Variants in SLC35F1 observed in about 807,000 individuals in gnomAD.
SLC35F1 encodes the protein solute carrier family 35 member F1.
In SLC35F1, 14 loss-of-function variants were observed where a neutral mutation model predicts 48.7. The ratio of observed to expected loss-of-function variants is 0.29; its 90% confidence interval spans 0.19 to 0.45. SLC35F1 has a LOEUF of 0.45. Ranked by LOEUF, SLC35F1 falls within the 20% of genes least tolerant of loss-of-function variation. The pLI is 1.00. For missense variants in SLC35F1, 404 were observed against 500.0 expected (o/e 0.81, Z 1.83); for synonymous variants, 190 against 202.2 (o/e 0.94, Z 0.51).
At chr6:118,264,384 C>G (rs753173586) in intron 3 of SLC35F1, among the ~76,000 whole-genome samples, 10 of 152,202 alleles carry the variant, frequency 6.6e-5, no homozygotes, top group Non-Finnish European at 1.5e-4. Context: ...TCAAATGCCC[C>G]AGAAACACTG....
intron 1 of SLC35F1, among the ~76,000 whole-genome samples, chr6:117,971,588 G>A (rs1219515134): frequency 6.6e-6 from 1 of 150,774 alleles, no homozygotes; most frequent in Non-Finnish European, 1.5e-5. Flanking sequence ...GTAAGCTTCT[G>A]CCTGGACATC....
At chr6:117,966,874 G>A (rs1286374480) in intron 1 of SLC35F1, among the ~76,000 whole-genome samples, 1 of 152,202 alleles carries the variant, frequency 6.6e-6, no homozygotes, top group Non-Finnish European at 1.5e-5. Flanking sequence ...GGTATTGAGA[G>A]TTAGGACTTC....
chr6:118,062,220 A>C (rs1448312091), intron 1 of SLC35F1, among the ~76,000 whole-genome samples: 5 of 152,122 alleles, frequency 3.3e-5, no homozygotes, highest in African/African-American at 1.2e-4. Context: ...AAGAAAGCAA[A>C]CCTGTTGTCA....
intron 2 of SLC35F1, among the ~76,000 whole-genome samples, chr6:118,217,131 A>G (rs1432367155): frequency 1.3e-5 from 2 of 152,230 alleles, no homozygotes; most frequent in Non-Finnish European, 2.9e-5. Context: ...ACTTCTATAT[A>G]CATGCATATT....
At chr6:118,110,856 G>A (rs1773388880) in intron 1 of SLC35F1, among the ~76,000 whole-genome samples, 1 of 151,802 alleles carries the variant, frequency 6.6e-6, no homozygotes, top group African/African-American at 2.4e-5. Context: ...GCCTGAATTG[G>A]GTATTTCCCT....
intron 1 of SLC35F1, among the ~76,000 whole-genome samples, chr6:117,965,434 A>G (rs1357321697): frequency 6.6e-6 from 1 of 152,220 alleles, no homozygotes; most frequent in Non-Finnish European, 1.5e-5. Flanking sequence ...TAGATTGCAG[A>G]AACAGGTGAG....
At chr6:118,113,484 T>G (rs12204646) in intron 1 of SLC35F1, among the ~76,000 whole-genome samples, 31,088 of 151,868 alleles carry the variant, frequency 0.2, 3,370 homozygotes, top group East Asian at 0.32. Context: ...TATCTATGTG[T>G]GGGGGCTGGG....
At chr6:118,140,738 G>T (rs542359528) in intron 1 of SLC35F1, among the ~76,000 whole-genome samples, 3 of 152,230 alleles carry the variant, frequency 2.0e-5, no homozygotes, top group African/African-American at 7.2e-5. Flanking sequence ...AGTGGGACAA[G>T]ATGTTGAAGG....
intron 1 of SLC35F1, among the ~76,000 whole-genome samples, chr6:118,153,781 T>A (rs1309267862): frequency 6.6e-6 from 1 of 152,200 alleles, no homozygotes; most frequent in Non-Finnish European, 1.5e-5. Context: ...CTTTCACGAA[T>A]AGCAGTTTTA....
At chr6:118,059,118 G>A (rs997857703) in intron 1 of SLC35F1, among the ~76,000 whole-genome samples, 1 of 152,176 alleles carries the variant, frequency 6.6e-6, no homozygotes, top group South Asian at 2.1e-4. Context: ...GTTACTTCTT[G>A]TATTCACTGC....
At chr6:117,911,674 G>T (rs2114793791) in intron 1 of SLC35F1, among the ~76,000 whole-genome samples, 1 of 152,102 alleles carries the variant, frequency 6.6e-6, no homozygotes, top group East Asian at 1.9e-4. Flanking sequence ...TCAAACTCCA[G>T]GCCTCAAGTC....
At chr6:117,955,788 C>G (rs1776420091) in intron 1 of SLC35F1, among the ~76,000 whole-genome samples, 2 of 152,212 alleles carry the variant, frequency 1.3e-5, no homozygotes, top group African/African-American at 4.8e-5. Context: ...GACTCAGTTA[C>G]TACCCTTGTT....
intron 1 of SLC35F1, among the ~76,000 whole-genome samples, chr6:117,941,113 C>T (rs974604901): frequency 4.6e-5 from 7 of 152,112 alleles, no homozygotes; most frequent in African/African-American, 1.7e-4. Flanking sequence ...TATTTTAAGA[C>T]TTGGTGTCCC....
chr6:118,187,558 TC>T, intron 2 of SLC35F1, among the ~76,000 whole-genome samples: 1 of 152,270 alleles, frequency 6.6e-6, no homozygotes, highest in Middle Eastern at 3.4e-3. Flanking sequence ...TAATCAGTTT[TC>T]CCCTAGTTAT....
chr6:117,997,250 G>A (rs1013798023), intron 1 of SLC35F1, among the ~76,000 whole-genome samples: 1 of 152,168 alleles, frequency 6.6e-6, no homozygotes, highest in Non-Finnish European at 1.5e-5. Context: ...AACAAACAAA[G>A]CCTCCAAGAA....
At chr6:117,963,395 C>T (rs903747084) in intron 1 of SLC35F1, among the ~76,000 whole-genome samples, 1 of 150,618 alleles carries the variant, frequency 6.6e-6, no homozygotes, top group Non-Finnish European at 1.5e-5. Flanking sequence ...TTTGTGCCAG[C>T]GATTCTAACT....
chr6:118,188,632 T>C (rs1312191850), intron 2 of SLC35F1, among the ~76,000 whole-genome samples: 2 of 152,048 alleles, frequency 1.3e-5, no homozygotes, highest in Non-Finnish European at 2.9e-5. Context: ...TTCAGTATCA[T>C]GTTTCTTAAA....
intron 1 of SLC35F1, among the ~76,000 whole-genome samples, chr6:118,003,944 G>T (rs1192275406): frequency 1.3e-5 from 2 of 152,180 alleles, no homozygotes; most frequent in African/African-American, 4.8e-5. Flanking sequence ...ATGAAGTAGG[G>T]ATAGTGATAT....
chr6:118,174,209 A>G (rs1437283245), intron 2 of SLC35F1, among the ~76,000 whole-genome samples: 1 of 152,192 alleles, frequency 6.6e-6, no homozygotes, highest in East Asian at 1.9e-4. Flanking sequence ...AATGTGACAC[A>G]TGGTCAAGAG....
Sources: allele counts gnomAD v4.1 joint callset (sites outside exome capture counted in the v4.1 genomes callset), GRCh38; gene constraint gnomAD v4.1.1; transcripts MANE v1.5; gene names NCBI Gene and HGNC (gene_info 2026-07-23, HGNC 2026-07-21).